SLC29A4: variants seen among roughly 807,000 people sequenced by gnomAD.
SLC29A4 encodes solute carrier family 29 member 4.
A neutral mutation model predicts 43.9 loss-of-function variants in SLC29A4; 36 were observed. The observed-to-expected ratio is 0.82, with a 90% CI of 0.63 to 1.08. The LOEUF (loss-of-function observed/expected upper bound fraction) is 1.08, where lower values mean the gene tolerates loss of function less well. Ranked by LOEUF, SLC29A4 falls within the 50% of genes least tolerant of loss-of-function variation. SLC29A4 has a pLI of 0.00. For synonymous variants in SLC29A4, 491 were observed against 338.0 expected (o/e 1.45, Z -4.97); for missense variants, 869 against 755.3 (o/e 1.15, Z -1.77).
At chr7:5,286,935 A>C (rs1399355970) in intron 1 of SLC29A4, among the ~76,000 whole-genome samples, 1 of 152,186 alleles carries the variant, frequency 6.6e-6, no homozygotes, top group African/African-American at 2.4e-5. Flanking sequence ...GTCACCTGTT[A>C]CTTCCAACTG....
At position 5,296,917 on chromosome 7, in the gene SLC29A4, C is replaced by A. The variant is rs761505987; in HGVS notation, c.620-19C>A. 1 of 1,575,050 alleles carries A rather than the reference C, an allele frequency of 6.3e-7. No individual in the cohort carries two copies. The highest frequency in any genetic ancestry group is 1.1e-5 in the South Asian group (1 of 87,416). ...GAGCTGGGCGGATCAGGCCCCGGCC[C>A]ACTGTGCACGCCCCCCAGGCACGGC... is the stretch of plus-strand genomic sequence containing the variant. On this transcript the variant is annotated intron_variant, in intron 6 of 10. Transcript: ENST00000396872.
At chr7:5,295,806 G>A (rs1172075058) in intron 6 of SLC29A4, among the ~76,000 whole-genome samples, 1 of 137,158 alleles carries the variant, frequency 7.3e-6, no homozygotes, top group Non-Finnish European at 1.6e-5. Context: ...TCGCTGGCAG[G>A]TAGATTTTGT....
rs1786468613 is a variant in SLC29A4, at chr7:5,306,037, T to TG, written c.*3102dup. Reference sequence around the variant, plus strand: ...AATTTTTTTGTATTTTTAGTAGAGATGGGGTTTCACCATATTGGCCAGGCT... The same window carrying TG: ...AATTTTTTTGTATTTTTAGTAGAGATGGGGGTTTCACCATATTGGCCAGGCT... On this transcript the variant is annotated 3_prime_UTR_variant, in exon 11 of 11. Transcript: ENST00000396872. The TG allele has an allele frequency of 7.0e-6, 1 of 143,034 alleles. No homozygotes were observed. The highest frequency in any genetic ancestry group is 2.6e-5 in the African/African-American group (1 of 38,172). The allele number at this position is 143,034 out of a possible 1,614,324, so 8.9% of individuals were successfully genotyped here.
chr7:5,283,950 G>A (rs1450081453), intron 1 of SLC29A4, among the ~76,000 whole-genome samples: 1 of 152,080 alleles, frequency 6.6e-6, no homozygotes, highest in East Asian at 1.9e-4. Context: ...CAGCTGCCCT[G>A]GGCCACTGTG....
Position 5,291,839 on chromosome 7 carries a change from A to AG in SLC29A4, c.544+23dup, listed in dbSNP as rs1160374511. The AG allele has an allele frequency of 6.2e-7, 1 of 1,608,018 alleles. No individual in the cohort carries two copies. Among genetic ancestry groups the AG allele is most frequent in the Non-Finnish European group, 8.5e-7 (1 of 1,177,634 alleles). The stretch of plus-strand genomic sequence containing the variant: ...CTGCACAGGTAGGAACCGGGGCCCA[A>AG]GGGGGAGGCCTTGAGTGCCCACTTC... On this transcript the variant is annotated intron_variant, in intron 5 of 10. Coordinates refer to ENST00000396872, the MANE Select transcript of SLC29A4 (RefSeq NM_153247.4).
At chr7:5,288,420 T>C (rs952203470) in intron 2 of SLC29A4, among the ~76,000 whole-genome samples, 1 of 144,584 alleles carries the variant, frequency 6.9e-6, no homozygotes, top group African/African-American at 2.6e-5. Context: ...TTCTCCTGCC[T>C]CAGCCTCCCA....
chr7:5,300,730 C>A, intron 10 of SLC29A4, 68 bp downstream of exon 10: 1 of 1,568,158 alleles, frequency 6.4e-7, no homozygotes, highest in Middle Eastern at 2.3e-4. Flanking sequence ...CGCGAGGAAA[C>A]CCAGGCTAGA....
At chr7:5,295,834 G>C (rs1224943504) in intron 6 of SLC29A4, among the ~76,000 whole-genome samples, 1 of 149,962 alleles carries the variant, frequency 6.7e-6, no homozygotes, top group Non-Finnish European at 1.5e-5. Flanking sequence ...CCGAGCGAGA[G>C]AGGGTGCAGA....
intron 5 of SLC29A4, among the ~76,000 whole-genome samples, chr7:5,294,643 C>T (rs1351141330): frequency 6.6e-6 from 1 of 152,162 alleles, no homozygotes; most frequent in Admixed American, 6.5e-5. Flanking sequence ...GTCATTTCTG[C>T]AGACGTTTCA....
intron 9 of SLC29A4, among the ~76,000 whole-genome samples, chr7:5,300,102 C>T (rs1443059585): frequency 6.6e-6 from 1 of 152,136 alleles, no homozygotes; most frequent in African/African-American, 2.4e-5. Context: ...CGTGGTGGTG[C>T]GTGCCTATGG....
chr7:5,292,690 C>CTTTTTTTTTTTTTT lies in SLC29A4; in HGVS notation c.544+884_544+897dup, dbSNP rs1056329272. Among the ~76,000 whole-genome samples, 99 of 67,414 alleles carry CTTTTTTTTTTTTTT rather than the reference C, an allele frequency of 1.5e-3. 20 individuals carry two copies. Among genetic ancestry groups the CTTTTTTTTTTTTTT allele is most frequent in the African/African-American group, 3.2e-3 (51 of 16,080 alleles). 44.2% of individuals were successfully genotyped at this position (67,414 alleles called of 152,430 possible). On this transcript the variant is annotated intron_variant, in intron 5 of 10. Transcript: ENST00000396872. ...TTCTACCAGCCAAGACATTTTTTTC[C>CTTTTTTTTTTTTTT]TTTTTTTTTTTTTTTTTTTTTTTTT...
chr7:5,287,049 C>A (rs374400262), intron 1 of SLC29A4, among the ~76,000 whole-genome samples: 21 of 152,324 alleles, frequency 1.4e-4, no homozygotes, highest in Admixed American at 4.6e-4. Context: ...CTCCCCGGGA[C>A]AGCAGTCTCT....
In SLC29A4 at chr7:5,301,598, C is replaced by T. The variant is rs574633352; in HGVS notation, c.1450+936C>T. 2.2e-4 allele frequency among the ~76,000 whole-genome samples: 34 copies of T among 152,254 alleles called. 1 individual carries two copies. The highest frequency in any genetic ancestry group is 7.2e-4 in the African/African-American group (30 of 41,550). On this transcript the variant is annotated intron_variant, in intron 10 of 10. Coordinates refer to ENST00000396872, the MANE Select transcript of SLC29A4 (RefSeq NM_153247.4). ...GTTGATAAAGCATCCCTCCAGCTGC[C>T]GTGGGCATGGAGGTGAGTGAGGAGC...
At chr7:5,299,994 G>A (rs1786022795) in intron 9 of SLC29A4, among the ~76,000 whole-genome samples, 1 of 152,354 alleles carries the variant, frequency 6.6e-6, no homozygotes, top group South Asian at 2.1e-4. Context: ...GGAGGGTGTA[G>A]TGAGCCGAGA....
At position 5,305,431 on chromosome 7, in the gene SLC29A4, C is replaced by T. The variant is rs1039623565; in HGVS notation, c.*2492C>T. On this transcript the variant is annotated 3_prime_UTR_variant, in exon 11 of 11. Coordinates refer to ENST00000396872, the MANE Select transcript of SLC29A4 (RefSeq NM_153247.4). ...AGCCAGACCCCCACCTATAGCTTCC[C>T]TAGGCCCCAGTGCAGAGATGCCGTC... The T allele has an allele frequency of 1.3e-5, 2 of 152,334 alleles. No homozygotes were observed. The highest frequency in any genetic ancestry group is 3.8e-4 in the East Asian group (2 of 5,202). The allele number at this position is 152,334 out of a possible 1,614,324, so 9.4% of individuals were successfully genotyped here.
rs746933954 is a variant in SLC29A4 at position 5,294,857 on chromosome 7, A to T, written c.545-3A>T. On this transcript the variant is annotated splice_polypyrimidine_tract_variant and splice_region_variant and intron_variant, in intron 5 of 10. Coordinates refer to ENST00000396872, the MANE Select transcript of SLC29A4 (RefSeq NM_153247.4). ...TGGGTTGTTCCTCTCTCTCTCTCTT[A>T]AGTGCAGCAATCCAGCTTCTACGGG... 6.3e-7 allele frequency: 1 copy of T among 1,583,434 alleles called. No homozygotes were observed. The highest frequency in any genetic ancestry group is 1.1e-5 in the South Asian group (1 of 87,954).
intron 2 of SLC29A4, among the ~76,000 whole-genome samples, chr7:5,289,327 G>T (rs1030884225): frequency 6.6e-6 from 1 of 152,172 alleles, no homozygotes. Flanking sequence ...AGCCCAGGAG[G>T]GGGTGGTCGT....
In SLC29A4 at chr7:5,290,874, C is replaced by T; in HGVS notation, c.301+11C>T. 6.2e-7 allele frequency: 1 copy of T among 1,604,002 alleles called. No individual in the cohort carries two copies. Among genetic ancestry groups the T allele is most frequent in the South Asian group, 1.1e-5 (1 of 90,172 alleles). On this transcript the variant is annotated intron_variant, in intron 3 of 10. Transcript: ENST00000396872. ...ATCACAAGTACCCAGGTGGGTCCCT[C>T]CACGGTCACGCCCAGCCACTCAGCA...
chr7:5,285,213 C>A (rs1583643075), intron 1 of SLC29A4, among the ~76,000 whole-genome samples: 1 of 152,188 alleles, frequency 6.6e-6, no homozygotes, highest in East Asian at 1.9e-4. Context: ...CAGAGCCACC[C>A]TCGTTCAAGC....
Sources: gnomAD v4.1 joint callset for allele counts (sites outside exome capture counted in the v4.1 genomes callset) on GRCh38, gnomAD v4.1.1 for gene constraint, MANE v1.5 for transcripts, NCBI Gene and HGNC (gene_info 2026-07-23, HGNC 2026-07-21) for gene names.